The following COX10 variants were observed in gnomAD, a reference collection of about 807,000 sequenced individuals.
COX10 encodes the protein cytochrome c oxidase assembly factor heme A:farnesyltransferase COX10.
Under a neutral mutation model 37.3 loss-of-function variants are expected in COX10, and 27 were observed. That is an observed-to-expected ratio of 0.72 (90% confidence interval 0.53 to 1.00). The LOEUF is 1.00. COX10 is among the 50% of genes least tolerant of loss of function. The pLI is 0.00. For synonymous variants in COX10, 222 were observed against 229.1 expected (o/e 0.97, Z 0.28); for missense variants, 475 against 563.2 (o/e 0.84, Z 1.59).
chr17:14,165,627 C>T (rs1392007323), intron 5 of COX10, among the ~76,000 whole-genome samples: 3 of 152,098 alleles, frequency 2.0e-5, no homozygotes, highest in Admixed American at 6.6e-5. Flanking sequence ...CTTGTGTGTG[C>T]AAGTGAAAGG....
intron 5 of COX10, among the ~76,000 whole-genome samples, chr17:14,161,575 A>G (rs573552581): frequency 5.9e-5 from 9 of 152,270 alleles, no homozygotes; most frequent in African/African-American, 2.2e-4. Flanking sequence ...TGTGAATCTG[A>G]GTGGAGTAGA....
intron 3 of COX10, among the ~76,000 whole-genome samples, chr17:14,091,403 CT>C (rs933772303): frequency 6.6e-6 from 1 of 152,154 alleles, no homozygotes; most frequent in Admixed American, 6.6e-5. Flanking sequence ...TAAGGGAAGT[CT>C]TTTAGTTGTT....
chr17:14,178,091 AGG>A (rs1905741879), intron 5 of COX10, among the ~76,000 whole-genome samples: 1 of 67,674 alleles, frequency 1.5e-5, no homozygotes. Flanking sequence ...CACATCACAC[AGG>A]CAGCCAGTGT....
chr17:14,143,105 A>G (rs573316142), intron 4 of COX10, among the ~76,000 whole-genome samples: 36 of 152,334 alleles, frequency 2.4e-4, no homozygotes, highest in African/African-American at 8.4e-4. Context: ...AGCTAGGAAC[A>G]GTTGTAAAAA....
chr17:14,140,176 A>G (rs749689776), intron 4 of COX10, among the ~76,000 whole-genome samples: 1 of 152,198 alleles, frequency 6.6e-6, no homozygotes, highest in Non-Finnish European at 1.5e-5. Context: ...GAAAGCATGT[A>G]GCCACATCTA....
intron 4 of COX10, among the ~76,000 whole-genome samples, chr17:14,152,062 T>G (rs577773527): frequency 6.6e-6 from 1 of 152,178 alleles, no homozygotes; most frequent in Non-Finnish European, 1.5e-5. Flanking sequence ...ATGAATATAC[T>G]GAAAAACTAA....
chr17:14,147,952 T>C lies in COX10; in HGVS notation c.625-11925T>C, dbSNP rs73979168. Among the ~76,000 whole-genome samples the C allele has an allele frequency of 8.7e-3, 1,328 of 151,848 alleles. 57 individuals are homozygous for C. The highest frequency in any genetic ancestry group is 0.044 in the Middle Eastern group (13 of 294). On this transcript the variant is annotated intron_variant, in intron 4 of 6. Transcript: ENST00000261643. ...TTTTCAGAAAGCATTGCTTGCAAAC[T>C]GAGATCTCTCTGGAAGGAAAAAGGG...
intron 4 of COX10, among the ~76,000 whole-genome samples, chr17:14,144,645 A>G (rs1904656107): frequency 6.6e-6 from 1 of 152,210 alleles, no homozygotes; most frequent in African/African-American, 2.4e-5. Context: ...TTTTTAAAAC[A>G]GTTTTTGCAA....
At chr17:14,184,993 T>TA (rs1905984690) in intron 5 of COX10, among the ~76,000 whole-genome samples, 1 of 147,810 alleles carries the variant, frequency 6.8e-6, no homozygotes, top group Non-Finnish European at 1.5e-5. Context: ...CCCTCTTTCC[T>TA]AAGGTAACTG....
intron 4 of COX10, among the ~76,000 whole-genome samples, chr17:14,112,768 G>A (rs1916031530): frequency 6.6e-6 from 1 of 152,098 alleles, no homozygotes; most frequent in African/African-American, 2.4e-5. Flanking sequence ...GACAGAGGGA[G>A]CATCATGAGT....
intron 3 of COX10, among the ~76,000 whole-genome samples, chr17:14,095,875 C>T (rs1915638615): frequency 6.6e-6 from 1 of 152,184 alleles, no homozygotes; most frequent in Non-Finnish European, 1.5e-5. Flanking sequence ...CCCTCATAAG[C>T]AGTTCTCATT....
chr17:14,149,949 G>A (rs1372372035), intron 4 of COX10, among the ~76,000 whole-genome samples: 1 of 152,084 alleles, frequency 6.6e-6, no homozygotes, highest in African/African-American at 2.4e-5. Context: ...GAAGGGAGAT[G>A]GTGGGGAAGT....
rs1438304967 is a variant in COX10 at position 14,074,391 on chromosome 17, C to A, written c.112C>A (p.His38Asn). Residue 38 changes from histidine to asparagine, a missense_variant, in exon 2 of 7, where the codon CAT becomes AAT. Physicochemically the swap from His to Asn is moderately conservative, Grantham distance 68. Transcript: ENST00000261643. The part of the protein sequence containing the change: ...TIQDSPHKFL[H>N]LLRNVNKQWI... ...ACAGGACTCCCCTCACAAGTTCTTA[C>A]ATCTTCTCAGGAATGTCAATAAGCA... 2 of 1,613,772 alleles carry A rather than the reference C, an allele frequency of 1.2e-6. No individual in the cohort carries two copies. Among genetic ancestry groups the A allele is most frequent in the South Asian group, 1.1e-5 (1 of 91,072 alleles).
chr17:14,087,359 C>T (rs1233165729), intron 3 of COX10, among the ~76,000 whole-genome samples: 1 of 152,254 alleles, frequency 6.6e-6, no homozygotes, highest in Middle Eastern at 3.4e-3. Context: ...TTTCTCCCTT[C>T]CGGAAAGAAG....
intron 4 of COX10, among the ~76,000 whole-genome samples, chr17:14,130,952 A>C (rs567531368): frequency 6.6e-6 from 1 of 152,284 alleles, no homozygotes; most frequent in South Asian, 2.1e-4. Context: ...ATCACAAAGT[A>C]GGTCTTTGGT....
chr17:14,069,892 C>T (rs1268917421), intron 1 of COX10, among the ~76,000 whole-genome samples: 1 of 152,148 alleles, frequency 6.6e-6, no homozygotes, highest in Non-Finnish European at 1.5e-5. Flanking sequence ...TGCGGAAGAG[C>T]GGTGTCTTCC....
intron 4 of COX10, among the ~76,000 whole-genome samples, chr17:14,125,421 G>A (rs886775638): frequency 1.1e-4 from 16 of 152,110 alleles, no homozygotes; most frequent in African/African-American, 3.9e-4. Flanking sequence ...CATTAACAGG[G>A]AAACAATTTG....
chr17:14,109,239 T>A (rs1158040159), intron 4 of COX10, among the ~76,000 whole-genome samples: 1 of 152,134 alleles, frequency 6.6e-6, no homozygotes, highest in Non-Finnish European at 1.5e-5. Flanking sequence ...TTTTTATATA[T>A]AAGGAAAATG....
At chr17:14,150,912 A>G (rs776698593) in intron 4 of COX10, among the ~76,000 whole-genome samples, 4 of 152,208 alleles carry the variant, frequency 2.6e-5, no homozygotes, top group Non-Finnish European at 5.9e-5. Context: ...TATATGAAAA[A>G]GGGGGCCAAA....
Sources: gnomAD v4.1 joint callset for allele counts (sites outside exome capture counted in the v4.1 genomes callset) on GRCh38, gnomAD v4.1.1 for gene constraint, MANE v1.5 for transcripts, NCBI Gene and HGNC (gene_info 2026-07-23, HGNC 2026-07-21) for gene names.